The following RASGRF2 variants were observed in gnomAD, a reference collection of about 807,000 sequenced individuals.
RASGRF2 encodes ras-specific guanine nucleotide-releasing factor 2.
A neutral mutation model predicts 151.0 loss-of-function variants in RASGRF2; 76 were observed. The observed-to-expected ratio is 0.50, with a 90% confidence interval of 0.42 to 0.61. The LOEUF is 0.61. RASGRF2 is among the 20% of genes least tolerant of loss of function. RASGRF2 has a pLI of 0.00. For missense variants in RASGRF2, 1,148 were observed against 1,564.6 expected, an observed-to-expected ratio of 0.73 and a Z score of 4.49; for synonymous variants, 504 against 566.5, an observed-to-expected ratio of 0.89 and a Z score of 1.57.
chr5:81,118,149 G>A (rs367728985), intron 15 of RASGRF2, among the ~76,000 whole-genome samples: 7 of 152,296 alleles, frequency 4.6e-5, no homozygotes, highest in Admixed American at 6.5e-5. Flanking sequence ...GCTCCACTAG[G>A]CATTGCCCCA....
chr5:81,166,564 A>G (rs1296825467), intron 17 of RASGRF2, among the ~76,000 whole-genome samples: 1 of 152,142 alleles, frequency 6.6e-6, no homozygotes, highest in African/African-American at 2.4e-5. Flanking sequence ...AGCAAGAAAG[A>G]CACAGCCTCT....
intron 17 of RASGRF2, among the ~76,000 whole-genome samples, chr5:81,139,071 C>G (rs1025839857): frequency 2.6e-5 from 4 of 152,194 alleles, no homozygotes; most frequent in African/African-American, 9.6e-5. Flanking sequence ...TCTCACTTCT[C>G]TCAGCGATAT....
chr5:81,022,090 A>T (rs1463607979), intron 1 of RASGRF2, among the ~76,000 whole-genome samples: 1 of 152,168 alleles, frequency 6.6e-6, no homozygotes, highest in Non-Finnish European at 1.5e-5. Flanking sequence ...CAGAGATTCA[A>T]AGTATAGGAA....
chr5:81,048,736 A>G (rs957288175), intron 2 of RASGRF2, among the ~76,000 whole-genome samples: 7 of 152,066 alleles, frequency 4.6e-5, no homozygotes, highest in African/African-American at 1.2e-4. Flanking sequence ...ACAAATTTCT[A>G]CTTTGAGCTC....
chr5:80,995,691 C>CCA (rs916920766), intron 1 of RASGRF2, among the ~76,000 whole-genome samples: 4 of 129,880 alleles, frequency 3.1e-5, no homozygotes, highest in East Asian at 2.2e-4. Flanking sequence ...CCTTCCCCCC[C>CCA]CCTTTTTTTT....
intron 4 of RASGRF2, among the ~76,000 whole-genome samples, chr5:81,071,690 G>T (rs550929758): frequency 6.7e-5 from 10 of 148,924 alleles, no homozygotes; most frequent in Admixed American, 1.3e-4. Flanking sequence ...TGTGTTATAA[G>T]ATTAATTAGT....
intron 9 of RASGRF2, among the ~76,000 whole-genome samples, chr5:81,090,283 C>T (rs555192272): frequency 2.0e-5 from 3 of 152,286 alleles, no homozygotes; most frequent in East Asian, 3.9e-4. Flanking sequence ...GAATGCCATT[C>T]TGTGGGAATG....
At position 80,969,536 on chromosome 5, in the gene RASGRF2, C is replaced by T. The variant is rs529768497; in HGVS notation, c.288+8510C>T. On this transcript the variant is annotated intron_variant, in intron 1 of 26. Transcript: ENST00000265080. ...CGATCTTGGCTCACTGCAAGCTCCG[C>T]CTCCAGGGTTCACACCATTCTCCTG... Among the ~76,000 whole-genome samples the T allele has an allele frequency of 5.2e-3, 783 of 151,602 alleles. 7 individuals carry two copies. Among genetic ancestry groups the T allele is most frequent in the African/African-American group, 0.018 (756 of 41,272 alleles).
At chr5:80,977,065 G>A (rs1748141135) in intron 1 of RASGRF2, among the ~76,000 whole-genome samples, 1 of 152,174 alleles carries the variant, frequency 6.6e-6, no homozygotes, top group South Asian at 2.1e-4. Context: ...ACATCAAATG[G>A]CTGAATAGTA....
At chr5:81,165,117 G>A (rs1371881276) in intron 17 of RASGRF2, among the ~76,000 whole-genome samples, 2 of 152,128 alleles carry the variant, frequency 1.3e-5, no homozygotes, top group Non-Finnish European at 2.9e-5. Flanking sequence ...TTTCACAACT[G>A]TGTACAGGCC....
intron 17 of RASGRF2, among the ~76,000 whole-genome samples, chr5:81,141,418 G>A (rs995690237): frequency 9.9e-5 from 15 of 152,088 alleles, no homozygotes; most frequent in African/African-American, 2.7e-4. Flanking sequence ...AGTGGGGACC[G>A]TCTCTCTTCA....
At position 81,212,358 on chromosome 5, in the gene RASGRF2, T is replaced by C. The variant is rs187647231; in HGVS notation, c.3157-8T>C. On this transcript the variant is annotated splice_region_variant and splice_polypyrimidine_tract_variant and intron_variant, in intron 22 of 26. Transcript: ENST00000265080. ...AGACTGCCTTTCGGGGCTTTTTGAT[T>C]GTCTCAGATGAGTAACCTGGTGGCC... is the stretch of plus-strand genomic sequence containing the variant. 21 of 1,577,044 alleles carry C rather than the reference T, an allele frequency of 1.3e-5. No homozygotes were observed. The highest frequency in any genetic ancestry group is 1.8e-5 in the Admixed American group (1 of 55,262).
intron 1 of RASGRF2, among the ~76,000 whole-genome samples, chr5:80,980,902 G>T (rs185400917): frequency 6.6e-6 from 1 of 152,012 alleles, no homozygotes; most frequent in Non-Finnish European, 1.5e-5. Context: ...AGAGAAATGG[G>T]ATTCTTCCAG....
Position 81,109,029 on chromosome 5 carries a change from A to C in RASGRF2, c.1789A>C (p.Thr597Pro). 1 of 1,611,640 alleles carries C rather than the reference A, an allele frequency of 6.2e-7. No individual in the cohort carries two copies. Among genetic ancestry groups the C allele is most frequent in the Non-Finnish European group, 8.5e-7 (1 of 1,177,954 alleles). Residue 597 changes from threonine to proline, a missense_variant, in exon 13 of 27, where the codon ACT (threonine) becomes CCT (proline). This residue lies in a region of RASGRF2 where 646 missense variants were observed against 807.4 expected (regional missense o/e 0.80). Coordinates refer to ENST00000265080, the MANE Select transcript of RASGRF2 (RefSeq NM_006909.3). ...VDNIRCNGLM[T>P]IVFEENSKVT... The stretch of plus-strand genomic sequence containing the variant: ...CAATATACGATGTAATGGTTTAATG[A>C]CTATAGTGTTTGAAGAGAATTCCAA...
At chr5:81,168,586 C>A (rs544171914) in intron 17 of RASGRF2, among the ~76,000 whole-genome samples, 15 of 152,298 alleles carry the variant, frequency 9.8e-5, no homozygotes, top group Non-Finnish European at 1.8e-4. Context: ...GCTCAGATTA[C>A]AAGTGTGAGC....
intron 17 of RASGRF2, among the ~76,000 whole-genome samples, chr5:81,159,451 G>C (rs1365275293): frequency 6.6e-6 from 1 of 152,184 alleles, no homozygotes; most frequent in Non-Finnish European, 1.5e-5. Flanking sequence ...GAAAGAATCT[G>C]GATGCAAAAG....
chr5:81,043,293 C>T (rs1380723294), intron 2 of RASGRF2, among the ~76,000 whole-genome samples: 1 of 152,176 alleles, frequency 6.6e-6, no homozygotes, highest in African/African-American at 2.4e-5. Flanking sequence ...TTGACTCACT[C>T]TGTCAACAAT....
intron 1 of RASGRF2, among the ~76,000 whole-genome samples, chr5:80,991,973 G>A (rs1317371805): frequency 6.6e-6 from 1 of 152,120 alleles, no homozygotes; most frequent in East Asian, 1.9e-4. Flanking sequence ...CTCTTTGGAT[G>A]AGATGTCCTG....
chr5:81,181,304 AC>A (rs1474527335), intron 18 of RASGRF2, among the ~76,000 whole-genome samples: 1 of 152,142 alleles, frequency 6.6e-6, no homozygotes, highest in Non-Finnish European at 1.5e-5. Flanking sequence ...GGCTCCTGAA[AC>A]CCCTGTGGTA....
Sources: gnomAD v4.1 joint callset for allele counts (sites outside exome capture counted in the v4.1 genomes callset) on GRCh38, gnomAD v4.1.1 for gene constraint, gnomAD v4.1.1 regional missense constraint, MANE v1.5 for transcripts, NCBI Gene and HGNC (gene_info 2026-07-23, HGNC 2026-07-21) for gene names.